GSE1: variants seen among roughly 807,000 people sequenced by gnomAD.
GSE1 encodes Gse1 coiled-coil protein.
Under a neutral mutation model 112.6 loss-of-function variants are expected in GSE1, and 32 were observed. The ratio of observed to expected loss-of-function variants is 0.28; its 90% CI spans 0.21 to 0.38. The LOEUF (loss-of-function observed/expected upper bound fraction) is 0.38, where lower values mean the gene tolerates loss of function less well. GSE1 is among the 10% of genes least tolerant of loss of function. The probability of loss-of-function intolerance (pLI) is 1.00; values close to 1 mark genes in which losing one functional copy is unlikely to be tolerated. For missense variants in GSE1, 2,348 were observed against 1,699.2 expected (o/e 1.38, Z -6.71); for synonymous variants, 1,115 against 735.6 (o/e 1.52, Z -8.35).
rs115067893 is a variant in GSE1, at chr16:85,337,211, T to A, written c.2284-20252T>A. On this transcript the variant is annotated intron_variant, in intron 1 of 2. Transcript: ENST00000637419. ...CCCGCCTGCTCCTCAAAGCTCATGC[T>A]ACCCTTTGGGCCTAGGCAGCACAGC... Among the ~76,000 whole-genome samples the A allele has an allele frequency of 5.1e-3, 774 of 151,802 alleles. 6 individuals carry two copies. Among genetic ancestry groups the A allele is most frequent in the African/African-American group, 0.017 (711 of 41,414 alleles).
At chr16:85,616,165 G>C (rs1221734810) in intron 1 of GSE1, among the ~76,000 whole-genome samples, 1 of 152,234 alleles carries the variant, frequency 6.6e-6, no homozygotes, top group African/African-American at 2.4e-5. Context: ...CTGAGCTAGA[G>C]ATTCCCCCCT....
At chr16:85,663,719 G>T in intron 11 of GSE1, 105 bp downstream of exon 11, 1 of 1,178,004 alleles carries the variant, frequency 8.5e-7, no homozygotes, top group Non-Finnish European at 1.2e-6. Context: ...TGCGATCACT[G>T]AGCCTGAGGC....
chr16:85,488,389 G>T (rs750237042), intron 2 of GSE1, among the ~76,000 whole-genome samples: 1 of 152,146 alleles, frequency 6.6e-6, no homozygotes, highest in African/African-American at 2.4e-5. Flanking sequence ...TGTGGTTGTC[G>T]CACATTCATT....
chr16:85,478,859 C>T (rs1254503858), intron 2 of GSE1, among the ~76,000 whole-genome samples: 4 of 22,236 alleles, frequency 1.8e-4, no homozygotes, highest in Non-Finnish European at 3.0e-4. Context: ...TTCTTTCTTT[C>T]TTTCTTTCTT....
chr16:85,303,487 C>T (rs898937351), intron 1 of GSE1, among the ~76,000 whole-genome samples: 7 of 152,244 alleles, frequency 4.6e-5, no homozygotes, highest in African/African-American at 1.2e-4. Context: ...CGCCGCTGTC[C>T]GCCGCTTGCT....
At chr16:85,636,553 G>A (rs578070237) in intron 2 of GSE1, among the ~76,000 whole-genome samples, 20 of 152,298 alleles carry the variant, frequency 1.3e-4, no homozygotes, top group African/African-American at 2.2e-4. Context: ...ACGTTTCCCC[G>A]TCCATGGAAC....
Position 85,322,918 on chromosome 16 carries a change from C to T in GSE1, c.2284-34545C>T, listed in dbSNP as rs181162356. On this transcript the variant is annotated intron_variant, in intron 1 of 2. Transcript: ENST00000637419. ...GGCATGAGCCACCACGCCCAGCCTC[C>T]GTTTTGCTTTTGAGGAAACTGAGGC... 3.9e-4 allele frequency among the ~76,000 whole-genome samples: 60 copies of T among 152,280 alleles called. 1 individual carries two copies. Among genetic ancestry groups the T allele is most frequent in the African/African-American group, 1.3e-3 (55 of 41,566 alleles).
At chr16:85,457,393 C>T (rs1444724451) in intron 2 of GSE1, among the ~76,000 whole-genome samples, 1 of 152,198 alleles carries the variant, frequency 6.6e-6, no homozygotes, top group Non-Finnish European at 1.5e-5. Flanking sequence ...CAGCATTTGC[C>T]CACTGCAGGG....
At chr16:85,559,874 T>A (rs2045428881) in intron 1 of GSE1, among the ~76,000 whole-genome samples, 1 of 152,102 alleles carries the variant, frequency 6.6e-6, no homozygotes, top group Admixed American at 6.6e-5. Flanking sequence ...CCAAGCTGAG[T>A]TGTGAGCAGA....
chr16:85,588,725 C>T (rs1263306820), intron 1 of GSE1, among the ~76,000 whole-genome samples: 1 of 152,174 alleles, frequency 6.6e-6, no homozygotes, highest in Non-Finnish European at 1.5e-5. Context: ...CGAAATCTGC[C>T]GTGGCCGTTA....
At chr16:85,209,563 C>G (rs540988764) in intron 1 of GSE1, among the ~76,000 whole-genome samples, 22 of 152,310 alleles carry the variant, frequency 1.4e-4, no homozygotes, top group African/African-American at 4.8e-4. Context: ...AACCCATAAG[C>G]AACTCACAGT....
intron 2 of GSE1, among the ~76,000 whole-genome samples, chr16:85,501,028 C>T (rs1315486885): frequency 1.0e-4 from 8 of 79,824 alleles, no homozygotes; most frequent in African/African-American, 2.3e-4. Context: ...TTTTTTGAGA[C>T]GGAGTCTCAC....
chr16:85,617,918 C>A (rs1344539295), intron 1 of GSE1, among the ~76,000 whole-genome samples: 1 of 152,192 alleles, frequency 6.6e-6, no homozygotes, highest in Admixed American at 6.5e-5. Flanking sequence ...CGCCACCTCC[C>A]CCGCAGGACG....
intron 1 of GSE1, among the ~76,000 whole-genome samples, chr16:85,186,036 A>G (rs2074693752): frequency 6.6e-6 from 1 of 152,188 alleles, no homozygotes; most frequent in Non-Finnish European, 1.5e-5. Context: ...AGAGACCACG[A>G]TGGGCCGGGC....
chr16:85,435,719 C>CTCTCCTGAAATTCCT (rs2049231655), intron 2 of GSE1, among the ~76,000 whole-genome samples: 1 of 152,082 alleles, frequency 6.6e-6, no homozygotes, highest in African/African-American at 2.4e-5. Context: ...CAGAAATTCC[C>CTCTCCTGAAATTCCT]TCTCCTGACG....
intron 1 of GSE1, among the ~76,000 whole-genome samples, chr16:85,301,265 C>A (rs1181236626): frequency 6.6e-6 from 1 of 152,204 alleles, no homozygotes; most frequent in East Asian, 1.9e-4. Context: ...AAGTGGTGCC[C>A]TTGGTGAATG....
chr16:85,593,285 C>G (rs2047074449), intron 1 of GSE1: 1 of 152,006 alleles, frequency 6.6e-6, no homozygotes, highest in African/African-American at 2.4e-5. Context: ...CTTGCCCCAC[C>G]CCGCCCCTCC....
intron 1 of GSE1, among the ~76,000 whole-genome samples, chr16:85,245,204 C>T (rs1378264253): frequency 6.6e-6 from 1 of 152,112 alleles, no homozygotes; most frequent in Non-Finnish European, 1.5e-5. Context: ...TGGCTCCACT[C>T]ACCATAAATA....
chr16:85,478,024 C>A (rs916929291), intron 2 of GSE1, among the ~76,000 whole-genome samples: 1 of 152,166 alleles, frequency 6.6e-6, no homozygotes, highest in Non-Finnish European at 1.5e-5. Flanking sequence ...GGTCACTCCG[C>A]GCTCCTCATT....
Sources: gnomAD v4.1 joint callset for allele counts (sites outside exome capture counted in the v4.1 genomes callset) on GRCh38, gnomAD v4.1.1 for gene constraint, MANE v1.5 for transcripts, NCBI Gene and HGNC (gene_info 2026-07-23, HGNC 2026-07-21) for gene names.